Variants in PRDM5 observed in about 807,000 individuals in gnomAD.
PRDM5 encodes the protein PR/SET domain 5.
PRDM5 carries 56 observed loss-of-function variants against 81.2 expected under a neutral mutation model. The observed-to-expected ratio is 0.69, with a 90% CI of 0.56 to 0.86. The LOEUF (loss-of-function observed/expected upper bound fraction) is 0.86, where lower values mean the gene tolerates loss of function less well. Among genes scored for constraint, PRDM5 ranks in the 40% least tolerant of loss-of-function variants. The probability of loss-of-function intolerance (pLI) is 0.00; values close to 1 mark genes in which losing one functional copy is unlikely to be tolerated. For missense variants in PRDM5, 697 were observed against 770.1 expected, an observed-to-expected ratio of 0.91 and a Z score of 1.12; for synonymous variants, 267 against 256.4, an observed-to-expected ratio of 1.04 and a Z score of -0.39.
intron 3 of PRDM5, among the ~76,000 whole-genome samples, chr4:120,853,186 C>T (rs114594411): frequency 7.9e-5 from 12 of 152,274 alleles, no homozygotes; most frequent in African/African-American, 2.6e-4. Flanking sequence ...CAATATCAGA[C>T]TGTGTAATTC....
At position 120,888,408 on chromosome 4, in the gene PRDM5, T is replaced by G. The variant is rs1443251403; in HGVS notation, c.177+19066A>C. On this transcript the variant is annotated intron_variant, in intron 2 of 15. Transcript: ENST00000264808. ...TTCTCTAGCTTATTTCACTCAAGGC[T>G]TTGTTACTGAGATTCACCCATGTTG... Among the ~76,000 whole-genome samples, 10 of 152,362 alleles carry G rather than the reference T, an allele frequency of 6.6e-5. No individual in the cohort carries two copies. In the East Asian group the frequency reaches 1.5e-3, roughly 24 times the overall value.
At chr4:120,753,924 G>A (rs1744350253) in intron 14 of PRDM5, among the ~76,000 whole-genome samples, 1 of 152,144 alleles carries the variant, frequency 6.6e-6, no homozygotes, top group Non-Finnish European at 1.5e-5. Context: ...TGGTGAGTAA[G>A]CTGCTTACAT....
intron 2 of PRDM5, among the ~76,000 whole-genome samples, chr4:120,863,187 T>TACACACAC (rs1561528878): frequency 2.5e-5 from 1 of 40,144 alleles, no homozygotes; most frequent in African/African-American, 6.9e-5. Context: ...TATATATATA[T>TACACACAC]ATATACACAC....
At chr4:120,907,918 C>T (rs1483967136) in intron 1 of PRDM5, among the ~76,000 whole-genome samples, 1 of 152,208 alleles carries the variant, frequency 6.6e-6, no homozygotes, top group Admixed American at 6.5e-5. Flanking sequence ...GACAAGCCCA[C>T]CAGGCAGAAA....
rs79222616 is a variant in PRDM5, at chr4:120,772,900, G to A, written c.1537+4288C>T. On this transcript the variant is annotated intron_variant, in intron 13 of 15. Transcript: ENST00000264808. ...ATAAAAGTAATGGTGAGTAAAACTG[G>A]TAACTGCTAGTGACTTCAATTTGTA... Among the ~76,000 whole-genome samples the A allele has an allele frequency of 0.011, 1,613 of 152,274 alleles. 65 individuals are homozygous for A. The East Asian group carries it at 0.14, about 13-fold the overall frequency.
At chr4:120,714,237 G>A (rs1032268485) in intron 14 of PRDM5, among the ~76,000 whole-genome samples, 6 of 152,118 alleles carry the variant, frequency 3.9e-5, no homozygotes, top group Middle Eastern at 6.3e-3. Flanking sequence ...GTTTTTGACT[G>A]AATATGACTA....
At chr4:120,910,340 T>C (rs1224725517) in intron 1 of PRDM5, among the ~76,000 whole-genome samples, 1 of 152,192 alleles carries the variant, frequency 6.6e-6, no homozygotes, top group Non-Finnish European at 1.5e-5. Context: ...ACAATGCAGA[T>C]ATTGAAAACC....
chr4:120,863,104 G>C (rs4833690), intron 2 of PRDM5, among the ~76,000 whole-genome samples: 16,807 of 142,210 alleles, frequency 0.12, 1,209 homozygotes, highest in East Asian at 0.17. Flanking sequence ...GCTGCAGTGA[G>C]CCAAGATTGG....
At chr4:120,855,230 C>A (rs545797083) in intron 2 of PRDM5, among the ~76,000 whole-genome samples, 1 of 152,254 alleles carries the variant, frequency 6.6e-6, no homozygotes, top group African/African-American at 2.4e-5. Flanking sequence ...CAAACAATTC[C>A]TGTTTTCTTA....
intron 14 of PRDM5, among the ~76,000 whole-genome samples, chr4:120,741,138 C>T (rs1741874516): frequency 1.3e-5 from 2 of 152,088 alleles, no homozygotes; most frequent in South Asian, 4.1e-4. Flanking sequence ...ATGCATGCCT[C>T]CTAATGTGTC....
At chr4:120,712,523 A>G (rs1737159882) in intron 14 of PRDM5, among the ~76,000 whole-genome samples, 1 of 151,394 alleles carries the variant, frequency 6.6e-6, no homozygotes, top group Non-Finnish European at 1.5e-5. Flanking sequence ...CACCTGCAGC[A>G]CTCTCCCATC....
intron 3 of PRDM5, among the ~76,000 whole-genome samples, chr4:120,842,600 CA>C (rs1758156038): frequency 6.6e-6 from 1 of 152,156 alleles, no homozygotes; most frequent in African/African-American, 2.4e-5. Context: ...TAAGTGTCAT[CA>C]TGATATTAAG....
At chr4:120,842,516 A>G (rs987607968) in intron 3 of PRDM5, among the ~76,000 whole-genome samples, 1 of 152,338 alleles carries the variant, frequency 6.6e-6, no homozygotes, top group Middle Eastern at 3.4e-3. Context: ...GGAAACAAAC[A>G]TAACTGACAC....
In PRDM5 at chr4:120,723,726, G is replaced by A. The variant is rs117618692; in HGVS notation, c.1624-13313C>T. On this transcript the variant is annotated intron_variant, in intron 14 of 15. Transcript: ENST00000264808. The stretch of plus-strand genomic sequence containing the variant: ...ACTTATGCCGACTGATATATATAGT[G>A]TCCAAGGCAAAAATGTTGAGTTTCA... 2.9e-4 allele frequency among the ~76,000 whole-genome samples: 44 copies of A among 152,142 alleles called. No individual in the cohort carries two copies. The East Asian group carries it at 7.9e-3, about 27-fold the overall frequency.
chr4:120,724,242 G>A (rs1739075539), intron 14 of PRDM5, among the ~76,000 whole-genome samples: 1 of 152,106 alleles, frequency 6.6e-6, no homozygotes, highest in African/African-American at 2.4e-5. Context: ...TATTAGGCAA[G>A]ACACTGTGTT....
At chr4:120,867,304 A>G (rs755538437) in intron 2 of PRDM5, among the ~76,000 whole-genome samples, 21 of 152,246 alleles carry the variant, frequency 1.4e-4, no homozygotes, top group South Asian at 4.1e-4. Flanking sequence ...TGATCTTCAT[A>G]AATTTTAATA....
At chr4:120,870,768 GA>G (rs1761704036) in intron 2 of PRDM5, among the ~76,000 whole-genome samples, 1 of 152,172 alleles carries the variant, frequency 6.6e-6, no homozygotes, top group Admixed American at 6.5e-5. Flanking sequence ...TGGCAGTGTG[GA>G]GCGGACGGTA....
intron 1 of PRDM5, among the ~76,000 whole-genome samples, chr4:120,909,259 G>A (rs536741938): frequency 6.6e-6 from 1 of 152,312 alleles, no homozygotes; most frequent in Admixed American, 6.5e-5. Flanking sequence ...ACAGACAGCT[G>A]CATGGTCCAC....
chr4:120,849,201 G>A (rs1511314), intron 3 of PRDM5, among the ~76,000 whole-genome samples: 27,529 of 152,054 alleles, frequency 0.18, 2,954 homozygotes, highest in East Asian at 0.29. Flanking sequence ...TGACAATGGA[G>A]AATGTCTTAT....
Sources: gnomAD v4.1 joint callset for allele counts (sites outside exome capture counted in the v4.1 genomes callset) on GRCh38, gnomAD v4.1.1 for gene constraint, MANE v1.5 for transcripts, NCBI Gene and HGNC (gene_info 2026-07-23, HGNC 2026-07-21) for gene names.